The following CDH18 variants were observed in gnomAD, a reference collection of about 807,000 sequenced individuals.
CDH18 encodes cadherin 18, also known as cadherin-18.
A neutral mutation model predicts 67.9 loss-of-function variants in CDH18; 31 were observed. That is an observed-to-expected ratio of 0.46 (90% CI 0.34 to 0.62). CDH18 has a LOEUF of 0.62. Ranked by LOEUF, CDH18 falls within the 20% of genes least tolerant of loss-of-function variation. CDH18 has a pLI of 0.01. For missense variants in CDH18, 890 were observed against 975.5 expected, an observed-to-expected ratio of 0.91 and a Z score of 1.17; for synonymous variants, 362 against 347.2, an observed-to-expected ratio of 1.04 and a Z score of -0.48.
chr5:20,270,158 T>A (rs1042999177), intron 1 of CDH18, among the ~76,000 whole-genome samples: 6 of 149,280 alleles, frequency 4.0e-5, no homozygotes, highest in South Asian at 2.1e-4. Flanking sequence ...TTTCTTTGTT[T>A]AAAAAAAAAA....
intron 11 of CDH18, among the ~76,000 whole-genome samples, chr5:19,484,185 C>A (rs1429132696): frequency 6.6e-6 from 1 of 152,100 alleles, no homozygotes; most frequent in Non-Finnish European, 1.5e-5. Context: ...TAATAAATGC[C>A]TGCATGATAT....
intron 5 of CDH18, among the ~76,000 whole-genome samples, chr5:19,700,871 G>GA (rs1351078760): frequency 6.7e-6 from 1 of 150,230 alleles, no homozygotes; most frequent in African/African-American, 2.5e-5. Flanking sequence ...CTGATTCAGA[G>GA]AAAAAAATTA....
chr5:20,279,638 G>T (rs1746072325), intron 1 of CDH18, among the ~76,000 whole-genome samples: 1 of 136,040 alleles, frequency 7.4e-6, no homozygotes, highest in African/African-American at 2.8e-5. Context: ...GGTGGAGGTT[G>T]CAGTGAGCCG....
At chr5:19,515,825 A>G (rs992541112) in intron 10 of CDH18, among the ~76,000 whole-genome samples, 4 of 152,070 alleles carry the variant, frequency 2.6e-5, no homozygotes, top group African/African-American at 9.7e-5. Context: ...CTCTCTTCCT[A>G]ATTAAATACT....
chr5:19,946,491 C>T (rs1354566204), intron 2 of CDH18, among the ~76,000 whole-genome samples: 1 of 152,074 alleles, frequency 6.6e-6, no homozygotes, highest in Non-Finnish European at 1.5e-5. Flanking sequence ...CCTGCTTAAT[C>T]AAAATGAACA....
chr5:19,707,743 G>A (rs538837511), intron 5 of CDH18, among the ~76,000 whole-genome samples: 4 of 152,202 alleles, frequency 2.6e-5, no homozygotes, highest in Non-Finnish European at 5.9e-5. Flanking sequence ...TATAACTGAG[G>A]CATACCACAT....
intron 2 of CDH18, among the ~76,000 whole-genome samples, chr5:20,213,840 T>C (rs951175782): frequency 2.4e-4 from 37 of 152,208 alleles, no homozygotes; most frequent in African/African-American, 7.5e-4. Flanking sequence ...TACTCCTGGA[T>C]GTGTTGATCT....
intron 2 of CDH18, among the ~76,000 whole-genome samples, chr5:19,945,735 T>C (rs571360679): frequency 7.2e-5 from 11 of 152,146 alleles, no homozygotes; most frequent in Non-Finnish European, 1.3e-4. Context: ...CAACAAACCA[T>C]GCTGGATGTC....
At chr5:19,665,065 T>TA (rs1257393074) in intron 5 of CDH18, among the ~76,000 whole-genome samples, 10 of 152,022 alleles carry the variant, frequency 6.6e-5, no homozygotes, top group African/African-American at 2.4e-4. Flanking sequence ...AACATAATTA[T>TA]AAAAATAATT....
chr5:20,436,772 T>G (rs1749196909), intron 1 of CDH18, among the ~76,000 whole-genome samples: 1 of 151,322 alleles, frequency 6.6e-6, no homozygotes, highest in South Asian at 2.1e-4. Context: ...TATTTTATTT[T>G]GGTGGTTTCT....
chr5:19,670,369 C>T (rs766619423), intron 5 of CDH18, among the ~76,000 whole-genome samples: 4 of 152,020 alleles, frequency 2.6e-5, no homozygotes, highest in Non-Finnish European at 4.4e-5. Flanking sequence ...AACAGCGTAT[C>T]TGCATAGATT....
chr5:19,763,153 T>C (rs1243322849), intron 3 of CDH18, among the ~76,000 whole-genome samples: 1 of 152,108 alleles, frequency 6.6e-6, no homozygotes, highest in Non-Finnish European at 1.5e-5. Flanking sequence ...ATGTAAATGA[T>C]GAGTTAATGG....
At chr5:20,531,106 G>T (rs1756372927) in intron 1 of CDH18, among the ~76,000 whole-genome samples, 1 of 152,066 alleles carries the variant, frequency 6.6e-6, no homozygotes, top group South Asian at 2.1e-4. Context: ...CTCAAAAGAA[G>T]ACTTTTATAT....
intron 1 of CDH18, among the ~76,000 whole-genome samples, chr5:20,497,648 G>A (rs141648615): frequency 0.01 from 1,583 of 152,138 alleles, 20 homozygotes; most frequent in African/African-American, 0.036. Flanking sequence ...CATGACTGTA[G>A]TGGTGGAAAA....
At chr5:20,412,136 T>C (rs1319346981) in intron 1 of CDH18, among the ~76,000 whole-genome samples, 1 of 152,120 alleles carries the variant, frequency 6.6e-6, no homozygotes, top group Non-Finnish European at 1.5e-5. Flanking sequence ...ATAACTATAC[T>C]ACAATGTCAT....
intron 2 of CDH18, among the ~76,000 whole-genome samples, chr5:20,029,995 T>C (rs570400582): frequency 1.3e-5 from 2 of 152,318 alleles, no homozygotes; most frequent in African/African-American, 4.8e-5. Context: ...GAGGTATTGT[T>C]TTCCATGATG....
chr5:19,747,077 CT>C lies in CDH18; in HGVS notation c.387del (p.Ala130LeufsTer52), dbSNP rs1770105949. ...GGTTTGTTTGTACGTCTATCAATAG[CT>C]TGAGCATGAAGCACATAGTGGGTCT... ...EQKTHYVLHA[Q>X]AIDRRTNKPL... On this transcript the variant is annotated frameshift_variant, in exon 4 of 13. Coordinates refer to ENST00000382275, the MANE Select transcript of CDH18 (RefSeq NM_004934.5). LOFTEE classifies it high-confidence loss of function. The C allele has an allele frequency of 6.2e-7, 1 of 1,613,994 alleles. No individual in the cohort carries two copies. Among genetic ancestry groups the C allele is most frequent in the African/African-American group, 1.3e-5 (1 of 74,922 alleles).
chr5:19,787,909 T>C (rs2149803729), intron 3 of CDH18, among the ~76,000 whole-genome samples: 1 of 151,704 alleles, frequency 6.6e-6, no homozygotes, highest in East Asian at 1.9e-4. Context: ...CCTTCAGAAG[T>C]ATATCAGATA....
At chr5:19,944,493 A>T (rs1795112073) in intron 2 of CDH18, among the ~76,000 whole-genome samples, 1 of 152,160 alleles carries the variant, frequency 6.6e-6, no homozygotes, top group African/African-American at 2.4e-5. Flanking sequence ...GAAGATAGAG[A>T]TATAAATCTT....
Sources: gnomAD v4.1 joint callset for allele counts (sites outside exome capture counted in the v4.1 genomes callset) on GRCh38, gnomAD v4.1.1 for gene constraint, MANE v1.5 for transcripts, NCBI Gene and HGNC (gene_info 2026-07-23, HGNC 2026-07-21) for gene names.